Variants in IQCH observed in about 807,000 individuals in gnomAD.
IQCH encodes the protein IQ domain-containing protein H.
Under a neutral mutation model 117.0 loss-of-function variants are expected in IQCH, and 98 were observed. That is an observed-to-expected ratio of 0.84 (90% CI 0.71 to 0.99). The LOEUF (loss-of-function observed/expected upper bound fraction) is 0.99, where lower values mean the gene tolerates loss of function less well. Among genes scored for constraint, IQCH ranks in the 50% least tolerant of loss-of-function variants. IQCH has a pLI of 0.00. For missense variants in IQCH, 1,102 were observed against 1,243.8 expected, an observed-to-expected ratio of 0.89 and a Z score of 1.72; for synonymous variants, 412 against 448.2, an observed-to-expected ratio of 0.92 and a Z score of 1.02.
intron 4 of IQCH, among the ~76,000 whole-genome samples, chr15:67,329,749 A>G (rs560677816): frequency 5.3e-4 from 80 of 152,188 alleles, no homozygotes; most frequent in African/African-American, 1.8e-3. Context: ...GATTGCAGGC[A>G]TGAGCCGCTG....
intron 3 of IQCH, among the ~76,000 whole-genome samples, chr15:67,272,624 GACACTT>G (rs1174957594): frequency 6.6e-6 from 1 of 152,174 alleles, no homozygotes; most frequent in African/African-American, 2.4e-5. Flanking sequence ...TGCGTGCATA[GACACTT>G]ACACTTGTTC....
intron 10 of IQCH, among the ~76,000 whole-genome samples, chr15:67,375,417 G>C (rs1970702617): frequency 6.6e-6 from 1 of 152,048 alleles, no homozygotes; most frequent in Non-Finnish European, 1.5e-5. Flanking sequence ...CAGAGACACT[G>C]TGTCTAAAAA....
chr15:67,421,344 G>A lies in IQCH; in HGVS notation c.2272G>A (p.Asp758Asn). 6.2e-7 allele frequency: 1 copy of A among 1,614,150 alleles called. No individual in the cohort carries two copies. The highest frequency in any genetic ancestry group is 8.5e-7 in the Non-Finnish European group (1 of 1,180,012). Reference sequence around the variant, plus strand: ...AGACAATGTCACCAACCTCACAGTGGACATGCTGATAGAGCCCAACGGGAA... The same window carrying A: ...AGACAATGTCACCAACCTCACAGTGAACATGCTGATAGAGCCCAACGGGAA... ...PADNVTNLTV[D>N]MLIEPNGKIS... Residue 758 changes from aspartate to asparagine, a missense_variant, in exon 16 of 21, where the codon GAC (aspartate) becomes AAC (asparagine). This residue lies in a region of IQCH where 650 missense variants were observed against 794.3 expected (regional missense o/e 0.82). Transcript: ENST00000335894.
intron 3 of IQCH, among the ~76,000 whole-genome samples, chr15:67,271,902 G>A (rs543993548): frequency 8.6e-5 from 13 of 151,614 alleles, no homozygotes; most frequent in African/African-American, 2.7e-4. Flanking sequence ...GTATGTTTTT[G>A]TCTCAATTTC....
Position 67,359,810 on chromosome 15 carries a change from C to T in IQCH, c.715-37C>T, listed in dbSNP as rs775817081. 1.2e-5 allele frequency: 18 copies of T among 1,558,248 alleles called. No individual in the cohort carries two copies. Among genetic ancestry groups the T allele is most frequent in the Non-Finnish European group, 1.5e-5 (17 of 1,129,468 alleles). The stretch of plus-strand genomic sequence containing the variant: ...GTTTTGTAAAATTGCCCATGAGAGT[C>T]GTTTTGATTTAAACTGTGTCTCATT... On this transcript the variant is annotated intron_variant, in intron 7 of 20. Coordinates refer to ENST00000335894, the MANE Select transcript of IQCH (RefSeq NM_001031715.3). The surrounding 1 kb of genome is among the most constrained non-coding windows in gnomAD (Gnocchi z 4.5).
At chr15:67,322,803 A>C (rs62015984) in intron 4 of IQCH, among the ~76,000 whole-genome samples, 152,283 of 152,286 alleles carry the variant, frequency 1, 76,140 homozygotes, top group Middle Eastern at 1. Flanking sequence ...GTTCCCCACC[A>C]CCAGTTGGGT....
chr15:67,475,737 A>G lies in IQCH; in HGVS notation c.2718A>G (p.Leu906=). Residue 906 remains leucine, a synonymous_variant, in exon 18 of 21, where the codon CTA becomes CTG. Transcript: ENST00000335894. The surrounding 1 kb of genome is among the most constrained non-coding windows in gnomAD (Gnocchi z 5.7). ...GCTATGCAGTGATGACCACCCAGCT[A>G]AGACACAGCAATCTCTCACTGGTTT... The part of the protein sequence containing the change: ...TSRYAVMTTQ[L]RHSNLSLVFH... 1 of 1,614,090 alleles carries G rather than the reference A, an allele frequency of 6.2e-7. No homozygotes were observed. The highest frequency in any genetic ancestry group is 8.5e-7 in the Non-Finnish European group (1 of 1,179,922).
intron 4 of IQCH, among the ~76,000 whole-genome samples, chr15:67,309,043 G>T (rs1967454287): frequency 1.3e-5 from 2 of 152,084 alleles, no homozygotes; most frequent in Admixed American, 1.3e-4. Flanking sequence ...GGGTCAGACT[G>T]CCTGGTGTGA....
chr15:67,399,061 C>G (rs1245342574), intron 13 of IQCH, among the ~76,000 whole-genome samples: 1 of 152,258 alleles, frequency 6.6e-6, no homozygotes, highest in South Asian at 2.1e-4. Flanking sequence ...AAAGTGGCTT[C>G]TCTTGCTCCT....
chr15:67,482,048 A>G (rs184597968), intron 18 of IQCH, among the ~76,000 whole-genome samples: 1 of 152,226 alleles, frequency 6.6e-6, no homozygotes, highest in Non-Finnish European at 1.5e-5. Context: ...ACATGGCAAG[A>G]TCCCATCTCT....
intron 4 of IQCH, among the ~76,000 whole-genome samples, chr15:67,309,537 T>C (rs969785902): frequency 6.6e-6 from 1 of 152,014 alleles, no homozygotes; most frequent in Admixed American, 6.6e-5. Flanking sequence ...TAGACTGATG[T>C]TGAGTTTTGA....
intron 16 of IQCH, among the ~76,000 whole-genome samples, chr15:67,460,547 T>C (rs922093854): frequency 1.3e-5 from 2 of 152,218 alleles, no homozygotes; most frequent in African/African-American, 4.8e-5. Context: ...ACAGCAAGTG[T>C]TTCAGTAATA....
chr15:67,360,463 G>A (rs1172757390), intron 8 of IQCH, among the ~76,000 whole-genome samples: 2 of 152,194 alleles, frequency 1.3e-5, no homozygotes, highest in Non-Finnish European at 2.9e-5. Flanking sequence ...GGTAATAAAA[G>A]TCCTGAACTT....
chr15:67,289,070 A>T (rs1041727850), intron 4 of IQCH, among the ~76,000 whole-genome samples: 2 of 152,110 alleles, frequency 1.3e-5, no homozygotes, highest in Non-Finnish European at 2.9e-5. Flanking sequence ...CATGGTTAAA[A>T]TGTAGACAGT....
chr15:67,352,330 A>G (rs1232117733), intron 6 of IQCH, among the ~76,000 whole-genome samples: 1 of 152,048 alleles, frequency 6.6e-6, no homozygotes, highest in East Asian at 1.9e-4. Flanking sequence ...CCCACAAGAC[A>G]TTATTGTTAA....
chr15:67,363,444 C>T (rs578074009), intron 8 of IQCH, among the ~76,000 whole-genome samples: 6 of 151,726 alleles, frequency 4.0e-5, no homozygotes, highest in African/African-American at 1.4e-4. Flanking sequence ...TGGGGTTTCA[C>T]CATGTTGGTC....
In IQCH at chr15:67,475,846, C is replaced by A; in HGVS notation, c.2799+28C>A. 6.2e-7 allele frequency: 1 copy of A among 1,603,850 alleles called. No homozygotes were observed. The highest frequency in any genetic ancestry group is 8.5e-7 in the Non-Finnish European group (1 of 1,171,948). ...ATGAAGGGTTACAGTTGGCCAGGGG[C>A]GGCCAAAGACATGCCTGTGGGTGAT... On this transcript the variant is annotated intron_variant, in intron 18 of 20. Coordinates refer to ENST00000335894, the MANE Select transcript of IQCH (RefSeq NM_001031715.3). The surrounding 1 kb of genome is among the most constrained non-coding windows in gnomAD (Gnocchi z 5.7).
At chr15:67,423,054 T>C (rs2081789950) in intron 16 of IQCH, among the ~76,000 whole-genome samples, 1 of 152,238 alleles carries the variant, frequency 6.6e-6, no homozygotes, top group Non-Finnish European at 1.5e-5. Flanking sequence ...TTCAGCTTGT[T>C]CAATAATCAT....
In IQCH at chr15:67,388,180, G is replaced by A; in HGVS notation, c.1457-651G>A. On this transcript the variant is annotated intron_variant, in intron 11 of 20. Coordinates refer to ENST00000335894, the MANE Select transcript of IQCH (RefSeq NM_001031715.3). The surrounding 1 kb of genome is among the most constrained non-coding windows in gnomAD (Gnocchi z 5.5). ...ATGGGATATTTAATTAGGGTTTCTT[G>A]CTATGTTACATGTAAGAAGCACATC... is the stretch of plus-strand genomic sequence containing the variant. Among the ~76,000 whole-genome samples, 1 of 152,150 alleles carries A rather than the reference G, an allele frequency of 6.6e-6. No homozygotes were observed. The highest frequency in any genetic ancestry group is 2.4e-5 in the African/African-American group (1 of 41,434).
Sources: allele counts gnomAD v4.1 joint callset (sites outside exome capture counted in the v4.1 genomes callset), GRCh38; gene constraint gnomAD v4.1.1; regional missense constraint gnomAD v4.1.1; non-coding constraint Gnocchi (gnomAD v3.1); transcripts MANE v1.5; gene names NCBI Gene and HGNC (gene_info 2026-07-23, HGNC 2026-07-21).